Variants in ARID1A observed in about 807,000 individuals in gnomAD.
ARID1A encodes the protein AT-rich interactive domain-containing protein 1A.
A neutral mutation model predicts 212.6 loss-of-function variants in ARID1A; 20 were observed. The observed-to-expected ratio is 0.09, with a 90% CI of 0.07 to 0.14. The LOEUF is 0.14. Among genes scored for constraint, ARID1A ranks in the 10% least tolerant of loss-of-function variants. ARID1A has a pLI of 1.00. For synonymous variants in ARID1A, 1,376 were observed against 1,222.1 expected, an observed-to-expected ratio of 1.13 and a Z score of -2.63; for missense variants, 2,587 against 3,059.0, an observed-to-expected ratio of 0.85 and a Z score of 3.64.
intron 4 of ARID1A, among the ~76,000 whole-genome samples, chr1:26,751,778 C>G (rs1029386285): frequency 3.3e-5 from 5 of 152,104 alleles, no homozygotes; most frequent in Admixed American, 6.6e-5. Flanking sequence ...TTTATGAATT[C>G]TGATGTGTAT....
Position 26,776,191 on chromosome 1 carries a change from C to G in ARID1A, c.5124+484C>G, listed in dbSNP as rs533574129. ...CAGAGTATGTTTTTTCCATTTTTCC[C>G]TTTCTTCTCTGAACAGTAGGGGCCT... On this transcript the variant is annotated intron_variant, in intron 19 of 19. Coordinates refer to ENST00000324856, the MANE Select transcript of ARID1A (RefSeq NM_006015.6). Among the ~76,000 whole-genome samples, 4 of 151,696 alleles carry G rather than the reference C, an allele frequency of 2.6e-5. No individual in the cohort carries two copies. The South Asian group carries it at 8.3e-4, about 32-fold the overall frequency.
Position 26,763,147 on chromosome 1 carries a change from A to C in ARID1A, c.2594A>C (p.Asn865Thr), listed in dbSNP as rs145267016. The change falls in exon 8 of 20, where the codon AAC (asparagine) becomes ACC (threonine). Residue 865 changes from asparagine to threonine, a missense_variant. Transcript: ENST00000324856. ...AGGATGAGTCACGCCTCCATGGGCA[A>C]CCGGCCTTATGGCCCTAACATGGCC... ...PGRMSHASMG[N>T]RPYGPNMANM... is the part of the protein sequence containing the mutation. The C allele has an allele frequency of 5.0e-6, 8 of 1,614,106 alleles. No homozygotes were observed. The highest frequency in any genetic ancestry group is 6.8e-6 in the Non-Finnish European group (8 of 1,180,048).
rs947357386 is a variant in ARID1A, at chr1:26,734,765, A to G, written c.1920+1973A>G. Among the ~76,000 whole-genome samples, 6 of 152,312 alleles carry G rather than the reference A, an allele frequency of 3.9e-5. No individual in the cohort carries two copies. The East Asian group carries it at 5.8e-4, about 15-fold the overall frequency. ...GAAGAAATGACAAGTTGGATTCCCT[A>G]CAAGAGCCCTCTCCTTTCTTAACCA... On this transcript the variant is annotated intron_variant, in intron 4 of 19. Transcript: ENST00000324856.
chr1:26,774,227 T>A lies in ARID1A; in HGVS notation c.4102-102T>A, dbSNP rs1371324512. The A allele has an allele frequency of 3.6e-5, 53 of 1,487,618 alleles. No individual in the cohort carries two copies. Among genetic ancestry groups the A allele is most frequent in the Non-Finnish European group, 4.7e-5 (53 of 1,120,898 alleles). The allele number at this position is 1,487,618 out of a possible 1,614,324, so 92.2% of individuals were successfully genotyped here. ...AGGTGATTCCCATGTTTTCTTGGAG[T>A]CTGTGTCCACCAAGCATCTGGTTGT... On this transcript the variant is annotated intron_variant, in intron 17 of 19. Transcript: ENST00000324856. The surrounding 1 kb of genome is among the most constrained non-coding windows in gnomAD (Gnocchi z 5.6).
intron 19 of ARID1A, chr1:26,778,259 A>G (rs2081155832): frequency 6.7e-6 from 1 of 150,310 alleles, no homozygotes; most frequent in Non-Finnish European, 1.5e-5. Context: ...GTGAGACTTC[A>G]TCTCAAAAAA....
rs960586460 is a variant in ARID1A, at chr1:26,732,801, T to G, written c.1920+9T>G. 6.2e-7 allele frequency: 1 copy of G among 1,600,214 alleles called. No homozygotes were observed. Among genetic ancestry groups the G allele is most frequent in the Admixed American group, 1.7e-5 (1 of 59,932 alleles). On this transcript the variant is annotated intron_variant, in intron 4 of 19. Coordinates refer to ENST00000324856, the MANE Select transcript of ARID1A (RefSeq NM_006015.6). ...GACCCTCCAGCTTGCCTGTGAGTATTTCTGCACCTTCTGAAAGGTGATAGG... is the reference window on the plus strand; with the variant it reads ...GACCCTCCAGCTTGCCTGTGAGTATGTCTGCACCTTCTGAAAGGTGATAGG...
Position 26,773,340 on chromosome 1 carries a change from G to A in ARID1A, c.3716-6G>A, listed in dbSNP as rs1368967612. 25 of 1,564,506 alleles carry A rather than the reference G, an allele frequency of 1.6e-5. No homozygotes were observed. The highest frequency in any genetic ancestry group is 1.1e-4 in the East Asian group (5 of 44,498). ...GTTTGTTCACCGCTTGCCTTTCTAC[G>A]CTCAGCTCCAGGGAGTGATCCCTTC... On this transcript the variant is annotated splice_polypyrimidine_tract_variant and splice_region_variant and intron_variant, in intron 14 of 19. Coordinates refer to ENST00000324856, the MANE Select transcript of ARID1A (RefSeq NM_006015.6).
At chr1:26,776,594 G>T (rs2081138817) in intron 19 of ARID1A, among the ~76,000 whole-genome samples, 1 of 152,116 alleles carries the variant, frequency 6.6e-6, no homozygotes, top group South Asian at 2.1e-4. Context: ...TTACAAAGCT[G>T]ATTCTTCAGA....
At position 26,732,714 on chromosome 1, in the gene ARID1A, A is replaced by G. The variant is rs2124792417; in HGVS notation, c.1842A>G (p.Ser614=). The G allele has an allele frequency of 1.2e-6, 2 of 1,614,046 alleles. No individual in the cohort carries two copies. The highest frequency in any genetic ancestry group is 4.5e-5 in the East Asian group (2 of 44,878). The change falls in exon 4 of 20, where the codon TCA becomes TCG. Residue 614 remains serine (S), a synonymous_variant. Transcript: ENST00000324856. ...ATTCATTTGGGTCTCAGGCATCCTC[A>G]GCCCCCTCAATGACCTCCAGTAAGG... ...SQDSFGSQAS[S]APSMTSSKGG...
At chr1:26,775,465 ACT>A in intron 18 of ARID1A, 110 bp from the exon 19 acceptor site, 2 of 1,483,106 alleles carry the variant, frequency 1.3e-6, no homozygotes, top group South Asian at 2.6e-5. Flanking sequence ...CCAGACAGAA[ACT>A]GCCTTCCACC....
In ARID1A at chr1:26,779,170, C is replaced by T. The variant is rs372045959; in HGVS notation, c.5272C>T (p.Pro1758Ser). Residue 1758 changes from proline to serine, a missense_variant, in exon 20 of 20, where the codon CCC (proline) becomes TCC (serine). This residue lies in a region of ARID1A where 890 missense variants were observed against 1,098.2 expected (regional missense o/e 0.81). Coordinates refer to ENST00000324856, the MANE Select transcript of ARID1A (RefSeq NM_006015.6). Reference protein sequence around the residue: ...GRFSKVSSPAPMEGGEEEEEL... With the variant: ...GRFSKVSSPASMEGGEEEEEL... ...GTTCAGCAAGGTGTCTAGTCCAGCTCCCATGGAGGGTGGGGAAGAAGAAGA... is the reference window on the plus strand; with the variant it reads ...GTTCAGCAAGGTGTCTAGTCCAGCTTCCATGGAGGGTGGGGAAGAAGAAGA... 5 of 1,605,734 alleles carry T rather than the reference C, an allele frequency of 3.1e-6. No individual in the cohort carries two copies. The highest frequency in any genetic ancestry group is 1.3e-5 in the African/African-American group (1 of 74,650).
rs762279939 is a variant in ARID1A at position 26,766,562 on chromosome 1, C to G, written c.2984C>G (p.Ser995Cys). Residue 995 changes from serine (S) to cysteine (C), a missense_variant, in exon 10 of 20, where the codon TCC (serine) becomes TGC (cysteine). Coordinates refer to ENST00000324856, the MANE Select transcript of ARID1A (RefSeq NM_006015.6). ...GGGACACCCAAGACAGAATCCAAAT[C>G]CAAGGTAGTGATTTTTGTCTTGACT... Reference protein sequence around the residue: ...ADGTPKTESKSKKSSSSTTTN... With the variant: ...ADGTPKTESKCKKSSSSTTTN... 3.7e-6 allele frequency: 6 copies of G among 1,608,890 alleles called. No homozygotes were observed. The highest frequency in any genetic ancestry group is 1.1e-5 in the South Asian group (1 of 90,362).
intron 1 of ARID1A, chr1:26,729,156 T>G (rs753184065): frequency 3.0e-4 from 47 of 157,964 alleles, no homozygotes; most frequent in Admixed American, 7.2e-4. Flanking sequence ...TTTGCTTATT[T>G]GGAAGAAAGC....
chr1:26,764,470 A>C (rs2081021027), intron 8 of ARID1A: 1 of 152,180 alleles, frequency 6.6e-6, no homozygotes, highest in African/African-American at 2.4e-5. Context: ...GTGGTTTGCC[A>C]TTTCTCCTAC....
chr1:26,735,733 C>T (rs2080723092), intron 4 of ARID1A, among the ~76,000 whole-genome samples: 1 of 152,204 alleles, frequency 6.6e-6, no homozygotes, highest in Admixed American at 6.5e-5. Flanking sequence ...CTCTGTGATT[C>T]TGTTGCTGCT....
At chr1:26,710,699 T>C (rs2080445345) in intron 1 of ARID1A, among the ~76,000 whole-genome samples, 1 of 152,162 alleles carries the variant, frequency 6.6e-6, no homozygotes, top group Admixed American at 6.5e-5. Context: ...GCCATTCTGA[T>C]GAACACTGAA....
intron 4 of ARID1A, among the ~76,000 whole-genome samples, chr1:26,743,955 CCA>C (rs1366448896): frequency 6.6e-6 from 1 of 152,024 alleles, no homozygotes; most frequent in East Asian, 1.9e-4. Flanking sequence ...ATTTTGGTAA[CCA>C]GAGAAGCAGG....
At chr1:26,776,362 C>T (rs1177353515) in intron 19 of ARID1A, among the ~76,000 whole-genome samples, 3 of 151,822 alleles carry the variant, frequency 2.0e-5, no homozygotes, top group Non-Finnish European at 2.9e-5. Context: ...CAACTTCCGC[C>T]TCCTGGGTAC....
At chr1:26,772,326 C>G (rs1395431592) in intron 12 of ARID1A, 174 bp from the exon 13 acceptor site, 2 of 900,324 alleles carry the variant, frequency 2.2e-6, no homozygotes, top group Admixed American at 5.7e-5. Flanking sequence ...ACAAAACCCT[C>G]AGATTCCCGT....
Sources: gnomAD v4.1 joint callset for allele counts (sites outside exome capture counted in the v4.1 genomes callset) on GRCh38, gnomAD v4.1.1 for gene constraint, gnomAD v4.1.1 regional missense constraint, Gnocchi (gnomAD v3.1) non-coding constraint, MANE v1.5 for transcripts, NCBI Gene and HGNC (gene_info 2026-07-23, HGNC 2026-07-21) for gene names.